Variants in LINGO2 observed in about 807,000 individuals in gnomAD.
The protein encoded by LINGO2 is leucine-rich repeat and immunoglobulin-like domain-containing nogo receptor-interacting protein 2.
LINGO2 carries 14 observed loss-of-function variants against 30.6 expected under a neutral mutation model. That is an observed-to-expected ratio of 0.46 (90% confidence interval 0.30 to 0.72). The LOEUF is 0.72. Among genes scored for constraint, LINGO2 ranks in the 30% least tolerant of loss-of-function variants. The pLI, the probability that LINGO2 is intolerant of heterozygous loss-of-function variation, is 0.07. For missense variants in LINGO2, 729 were observed against 751.7 expected (o/e 0.97, Z 0.35); for synonymous variants, 317 against 288.5 (o/e 1.10, Z -1.00).
chr9:28,365,765 C>CTT (rs34259621), intron 3 of LINGO2, among the ~76,000 whole-genome samples: 1 of 133,060 alleles, frequency 7.5e-6, no homozygotes, highest in Non-Finnish European at 1.6e-5. Flanking sequence ...TTTGGATCCT[C>CTT]TTTTTTTTTT....
chr9:27,989,472 TGTG>T (rs1821287985), intron 5 of LINGO2, among the ~76,000 whole-genome samples: 1 of 151,424 alleles, frequency 6.6e-6, no homozygotes, highest in African/African-American at 2.4e-5. Flanking sequence ...TGTGTGTGTG[TGTG>T]TGTATGTGTG....
intron 4 of LINGO2, among the ~76,000 whole-genome samples, chr9:28,247,412 T>C (rs541078350): frequency 1.3e-5 from 2 of 152,330 alleles, no homozygotes; most frequent in South Asian, 2.1e-4. Context: ...TGGAATATTA[T>C]GCAGCCACAA....
chr9:28,011,112 G>C (rs770032830), intron 5 of LINGO2, among the ~76,000 whole-genome samples: 1 of 152,194 alleles, frequency 6.6e-6, no homozygotes, highest in Non-Finnish European at 1.5e-5. Flanking sequence ...AACTGGTCTA[G>C]GGAAAGGGGA....
chr9:28,806,835 C>A, the LINGO2 span, among the ~76,000 whole-genome samples: 7 of 151,976 alleles, frequency 4.6e-5, no homozygotes, highest in Non-Finnish European at 8.8e-5. Flanking sequence ...CCTGTAAAGT[C>A]CTTTTCCCTC....
intron 4 of LINGO2, among the ~76,000 whole-genome samples, chr9:28,215,427 A>G (rs903341665): frequency 1.3e-5 from 2 of 151,846 alleles, no homozygotes; most frequent in Admixed American, 6.6e-5. Context: ...AATGTTGCGC[A>G]TATAGCAGTG....
At chr9:28,172,158 G>A (rs1444861091) in intron 4 of LINGO2, among the ~76,000 whole-genome samples, 2 of 151,122 alleles carry the variant, frequency 1.3e-5, no homozygotes, top group South Asian at 2.1e-4. Context: ...TTGGGAGGCC[G>A]AGGCGGGCGG....
intron 1 of LINGO2, among the ~76,000 whole-genome samples, chr9:28,603,497 T>C (rs1825576410): frequency 6.6e-6 from 1 of 152,044 alleles, no homozygotes; most frequent in Non-Finnish European, 1.5e-5. Flanking sequence ...TTCTAAATTG[T>C]AGCCACATTA....
the LINGO2 span, among the ~76,000 whole-genome samples, chr9:29,172,282 T>A: frequency 2.6e-5 from 4 of 151,850 alleles, no homozygotes; most frequent in Admixed American, 6.6e-5. Context: ...AATTTTAATC[T>A]ATCCACTTAT....
At chr9:28,640,933 T>C (rs1442338181) in intron 1 of LINGO2, among the ~76,000 whole-genome samples, 1 of 152,200 alleles carries the variant, frequency 6.6e-6, no homozygotes, top group Non-Finnish European at 1.5e-5. Flanking sequence ...TTTTCTGCTC[T>C]GTTTTTTCCC....
At chr9:28,524,856 T>C (rs1042343296) in intron 1 of LINGO2, among the ~76,000 whole-genome samples, 3 of 152,072 alleles carry the variant, frequency 2.0e-5, no homozygotes, top group Admixed American at 2.0e-4. Context: ...AGCAAAGGGA[T>C]CTTTAAAAAT....
At chr9:28,073,992 G>A (rs1028640298) in intron 4 of LINGO2, among the ~76,000 whole-genome samples, 3 of 152,190 alleles carry the variant, frequency 2.0e-5, no homozygotes, top group Non-Finnish European at 4.4e-5. Flanking sequence ...GTTGTCTTGA[G>A]CATATCAGAA....
the LINGO2 span, among the ~76,000 whole-genome samples, chr9:28,798,205 CCAGA>C: frequency 5.9e-5 from 9 of 151,760 alleles, no homozygotes; most frequent in African/African-American, 1.7e-4. Flanking sequence ...ACGATTTGGG[CCAGA>C]CAGACAATTT....
chr9:27,939,573 G>A, the LINGO2 span: 2 of 152,234 alleles, frequency 1.3e-5, no homozygotes, highest in Non-Finnish European at 2.9e-5. Context: ...CCTGTAGGAT[G>A]TTTGTACTGA....
chr9:28,740,742 G>A, the LINGO2 span, among the ~76,000 whole-genome samples: 5 of 151,706 alleles, frequency 3.3e-5, no homozygotes, highest in Admixed American at 6.6e-5. Context: ...ACACGTTGAG[G>A]GATGATTCAA....
chr9:28,724,535 G>C, the LINGO2 span, among the ~76,000 whole-genome samples: 1 of 152,260 alleles, frequency 6.6e-6, no homozygotes, highest in African/African-American at 2.4e-5. Flanking sequence ...GGTAAACCAA[G>C]ACTGACCTTC....
chr9:28,473,163 G>C lies in LINGO2; in HGVS notation c.-279+2777C>G, dbSNP rs748887261. On this transcript the variant is annotated intron_variant, in intron 2 of 5. Coordinates refer to ENST00000379992, the Ensembl canonical transcript of LINGO2. Reference sequence around the variant, plus strand: ...AAGTGTAGGGTTTTCTAACAGACAAGTGACAAGATTGACCATTAGCCCTTG... The same window carrying C: ...AAGTGTAGGGTTTTCTAACAGACAACTGACAAGATTGACCATTAGCCCTTG... 2.6e-5 allele frequency among the ~76,000 whole-genome samples: 4 copies of C among 151,358 alleles called. No homozygotes were observed. In the East Asian group the frequency reaches 7.8e-4, roughly 30 times the overall value.
chr9:28,766,256 CAAAT>C, the LINGO2 span, among the ~76,000 whole-genome samples: 14 of 151,904 alleles, frequency 9.2e-5, no homozygotes, highest in African/African-American at 2.9e-4. Flanking sequence ...AGCAATAAAA[CAAAT>C]AACCCAATTT....
At chr9:28,390,092 T>C (rs1049635724) in intron 2 of LINGO2, among the ~76,000 whole-genome samples, 1 of 152,194 alleles carries the variant, frequency 6.6e-6, no homozygotes, top group African/African-American at 2.4e-5. Flanking sequence ...ATACATTTTC[T>C]GTAATTCTTA....
intron 4 of LINGO2, among the ~76,000 whole-genome samples, chr9:28,127,736 C>T (rs936012808): frequency 2.3e-4 from 35 of 152,246 alleles, no homozygotes; most frequent in African/African-American, 7.9e-4. Flanking sequence ...TATTCTTCAC[C>T]GTTATGAACA....
Sources: allele counts gnomAD v4.1 joint callset (sites outside exome capture counted in the v4.1 genomes callset), GRCh38; gene constraint gnomAD v4.1.1; transcripts MANE v1.5; gene names NCBI Gene and HGNC (gene_info 2026-07-23, HGNC 2026-07-21).